The following UPP2 variants were observed in gnomAD, a reference collection of about 807,000 sequenced individuals.
UPP2 encodes the protein UPase 2.
UPP2 carries 23 observed loss-of-function variants against 26.7 expected under a neutral mutation model. The observed-to-expected ratio is 0.86, with a 90% CI of 0.62 to 1.22. The LOEUF is 1.22. Among genes scored for constraint, UPP2 ranks in the 50% most tolerant of loss-of-function variants. The pLI, the probability that UPP2 is intolerant of heterozygous loss-of-function variation, is 0.00. For missense variants in UPP2, 387 were observed against 396.7 expected (o/e 0.98, Z 0.21); for synonymous variants, 127 against 141.3 (o/e 0.90, Z 0.72).
chr2:157,995,639 G>GA (rs1290604170), intron 2 of UPP2, among the ~76,000 whole-genome samples: 2 of 151,392 alleles, frequency 1.3e-5, no homozygotes, highest in Non-Finnish European at 2.9e-5. Flanking sequence ...AAAAAAAATA[G>GA]AAAAAAATTG....
At chr2:158,083,707 A>C (rs556437460) in intron 3 of UPP2, among the ~76,000 whole-genome samples, 42 of 151,110 alleles carry the variant, frequency 2.8e-4, no homozygotes, top group African/African-American at 9.7e-4. Flanking sequence ...AGTATAATTA[A>C]AAAAAAATAT....
At chr2:158,027,696 T>G (rs1000627233) in intron 3 of UPP2, among the ~76,000 whole-genome samples, 2 of 152,206 alleles carry the variant, frequency 1.3e-5, no homozygotes, top group African/African-American at 4.8e-5. Flanking sequence ...CACATTTCCC[T>G]TCTGCACTGA....
Position 158,115,254 on chromosome 2 carries a change from A to T in UPP2, c.334A>T (p.Ile112Phe). 6.2e-7 allele frequency: 1 copy of T among 1,607,638 alleles called. No homozygotes were observed. The highest frequency in any genetic ancestry group is 8.5e-7 in the Non-Finnish European group (1 of 1,177,448). ...CMYKTGPVLA[I>F]SHGMGIPSIS... ...GTACAAAACCGGGCCTGTGCTCGCC[A>T]TCAGTGTAAGTATCCATGGTTGCAT... The change falls in exon 3 of 7, where the codon ATC becomes TTC. Residue 112 changes from isoleucine to phenylalanine, a missense_variant. Transcript: ENST00000005756.
chr2:158,066,422 G>A (rs953543028), intron 3 of UPP2, among the ~76,000 whole-genome samples: 95 of 152,288 alleles, frequency 6.2e-4, no homozygotes, highest in African/African-American at 2.2e-3. Context: ...GGAAGATTAG[G>A]TGCCACCCGG....
intron 3 of UPP2, among the ~76,000 whole-genome samples, chr2:158,038,023 G>GCATTTCTGCTGCACTGTTTTCC (rs1415628824): frequency 6.6e-6 from 1 of 152,176 alleles, no homozygotes. Context: ...ATGGGTAGAA[G>GCATTTCTGCTGCACTGTTTTCC]CATTTCTGCT....
intron 2 of UPP2, among the ~76,000 whole-genome samples, chr2:158,008,864 T>G (rs1450527697): frequency 2.6e-5 from 4 of 152,198 alleles, no homozygotes; most frequent in Non-Finnish European, 4.4e-5. Flanking sequence ...TTTCCCAGAT[T>G]TTTCAGTCCA....
At chr2:158,083,176 T>C (rs1682755121) in intron 3 of UPP2, among the ~76,000 whole-genome samples, 1 of 152,142 alleles carries the variant, frequency 6.6e-6, no homozygotes, top group African/African-American at 2.4e-5. Context: ...GAATCAGAAA[T>C]ACCATTTGAC....
At chr2:158,092,863 A>G (rs1228641715) in intron 3 of UPP2, among the ~76,000 whole-genome samples, 1 of 152,220 alleles carries the variant, frequency 6.6e-6, no homozygotes, top group Non-Finnish European at 1.5e-5. Flanking sequence ...AAGGGTAACT[A>G]TTGAAAGAAT....
intron 3 of UPP2, among the ~76,000 whole-genome samples, chr2:158,019,746 A>C (rs959181516): frequency 3.3e-4 from 50 of 151,930 alleles, no homozygotes; most frequent in African/African-American, 1.2e-4. Flanking sequence ...TAAAATGTAC[A>C]CTTTATTTTA....
chr2:158,043,160 TC>T (rs1049665458), intron 3 of UPP2, among the ~76,000 whole-genome samples: 1 of 152,186 alleles, frequency 6.6e-6, no homozygotes, highest in Non-Finnish European at 1.5e-5. Flanking sequence ...GCAGCTGGTT[TC>T]CCTCTAAATA....
intron 3 of UPP2, among the ~76,000 whole-genome samples, chr2:158,084,457 G>A (rs1019342995): frequency 1.3e-5 from 2 of 151,818 alleles, no homozygotes; most frequent in East Asian, 3.9e-4. Context: ...TTGTCTGTTT[G>A]CTGATTGTTT....
intron 2 of UPP2, among the ~76,000 whole-genome samples, chr2:158,110,195 C>T (rs1250485568): frequency 6.6e-6 from 1 of 152,162 alleles, no homozygotes; most frequent in Non-Finnish European, 1.5e-5. Flanking sequence ...TGATGTTCCC[C>T]TTCCTGTGTC....
intron 3 of UPP2, chr2:158,065,688 G>T: frequency 3.2e-6 from 2 of 624,518 alleles, no homozygotes; most frequent in Non-Finnish European, 6.0e-6. Flanking sequence ...ATAGATAAGA[G>T]TATGTAAAGC....
At chr2:158,124,666 G>A (rs762874146) in intron 6 of UPP2, among the ~76,000 whole-genome samples, 8 of 152,322 alleles carry the variant, frequency 5.3e-5, no homozygotes, top group South Asian at 2.1e-4. Flanking sequence ...TGATAGCAGC[G>A]CAGGTAGTGA....
At chr2:158,056,443 A>G (rs922253407) in intron 3 of UPP2, among the ~76,000 whole-genome samples, 1 of 152,188 alleles carries the variant, frequency 6.6e-6, no homozygotes, top group Non-Finnish European at 1.5e-5. Context: ...TTCATTTCCT[A>G]TGACCGCTGT....
chr2:158,071,661 C>T (rs1400976385), intron 3 of UPP2, among the ~76,000 whole-genome samples: 2 of 150,160 alleles, frequency 1.3e-5, no homozygotes, highest in African/African-American at 2.5e-5. Flanking sequence ...AGTTCAGCCA[C>T]AATAAGATAG....
intron 3 of UPP2, among the ~76,000 whole-genome samples, chr2:158,070,542 T>C (rs1025457768): frequency 1.3e-5 from 2 of 152,262 alleles, no homozygotes; most frequent in East Asian, 1.9e-4. Context: ...TAACCCAATG[T>C]TCTTTCCTCT....
intron 3 of UPP2, among the ~76,000 whole-genome samples, chr2:158,117,375 T>C (rs921059970): frequency 3.3e-5 from 5 of 152,032 alleles, no homozygotes; most frequent in African/African-American, 9.7e-5. Context: ...TAACAGCAAA[T>C]GAAATGGATT....
At chr2:158,061,988 T>C (rs115866246) in intron 3 of UPP2, among the ~76,000 whole-genome samples, 27 of 152,354 alleles carry the variant, frequency 1.8e-4, no homozygotes, top group Non-Finnish European at 3.5e-4. Flanking sequence ...GCCTGTTTTT[T>C]AAAATAAAGT....
Sources: allele counts gnomAD v4.1 joint callset (sites outside exome capture counted in the v4.1 genomes callset), GRCh38; gene constraint gnomAD v4.1.1; transcripts MANE v1.5; gene names NCBI Gene and HGNC (gene_info 2026-07-23, HGNC 2026-07-21).